The following TIAM2 variants were observed in gnomAD, a reference collection of about 807,000 sequenced individuals.
TIAM2 encodes TIAM Rac1 associated GEF 2.
In TIAM2, 80 loss-of-function variants were observed where a neutral mutation model predicts 152.9. The observed-to-expected ratio is 0.52, with a 90% CI of 0.44 to 0.63. The LOEUF (loss-of-function observed/expected upper bound fraction) is 0.63. Among genes scored for constraint, TIAM2 ranks in the 30% least tolerant of loss-of-function variants. The probability of loss-of-function intolerance (pLI) is 0.00; values close to 1 mark genes in which losing one functional copy is unlikely to be tolerated. For synonymous variants in TIAM2, 804 were observed against 838.0 expected, an observed-to-expected ratio of 0.96 and a Z score of 0.70; for missense variants, 1,965 against 2,120.1, an observed-to-expected ratio of 0.93 and a Z score of 1.44.
At chr6:155,244,893 A>G (rs550500469) in intron 18 of TIAM2, 110 bp downstream of exon 18, 3 of 1,310,370 alleles carry the variant, frequency 2.3e-6, no homozygotes, top group South Asian at 1.6e-5. Context: ...ACTATTGACT[A>G]TTTATTGTCC....
At chr6:155,098,300 G>A (rs1778465365) in intron 2 of TIAM2, among the ~76,000 whole-genome samples, 1 of 152,012 alleles carries the variant, frequency 6.6e-6, no homozygotes, top group South Asian at 2.1e-4. Context: ...ATTCTTCCAA[G>A]CCGTGAGCAT....
intron 14 of TIAM2, among the ~76,000 whole-genome samples, chr6:155,209,829 T>C (rs2115209960): frequency 6.6e-6 from 1 of 152,332 alleles, no homozygotes; most frequent in African/African-American, 2.4e-5. Context: ...TGGTTGGTAA[T>C]ATCAGCATGA....
chr6:155,006,387 G>A (rs542168945), intron 1 of TIAM2, among the ~76,000 whole-genome samples: 15 of 151,704 alleles, frequency 9.9e-5, no homozygotes, highest in African/African-American at 3.6e-4. Context: ...TCGGAGTCTC[G>A]ATCGGGCATG....
intron 21 of TIAM2, 148 bp downstream of exon 21, chr6:155,250,117 C>A: frequency 1.7e-6 from 1 of 593,858 alleles, no homozygotes; most frequent in Non-Finnish European, 3.0e-6. Flanking sequence ...ATGAACTACA[C>A]AATTTACATA....
chr6:155,022,217 C>T (rs573979166), intron 1 of TIAM2: 3 of 152,220 alleles, frequency 2.0e-5, no homozygotes, highest in Admixed American at 6.5e-5. Flanking sequence ...GGTACAGAGA[C>T]GCCGAGCTCT....
chr6:155,021,406 C>T (rs935341657), intron 1 of TIAM2, among the ~76,000 whole-genome samples: 4 of 152,024 alleles, frequency 2.6e-5, no homozygotes, highest in Admixed American at 6.6e-5. Context: ...GGATTGCAGA[C>T]GCCTGCCACC....
Position 155,165,405 on chromosome 6 carries a change from C to G in TIAM2, c.2357C>G (p.Thr786Ser). 1 of 1,608,724 alleles carries G rather than the reference C, an allele frequency of 6.2e-7. No homozygotes were observed. The highest frequency in any genetic ancestry group is 8.5e-7 in the Non-Finnish European group (1 of 1,178,512). Residue 786 changes from threonine (T) to serine (S), a missense_variant, in exon 9 of 27, where the codon ACT becomes AGT. Thr to Ser is a moderately conservative substitution (Grantham distance 58, BLOSUM62 1). Transcript: ENST00000682666. ...RKGKEKRPSI[T>S]QVDELLHIYG... is the part of the protein sequence containing the mutation. ...GGCAAGGAGAAGAGACCTTCTATAACTCAGGTGAGCTTTTCAGCATGGGAA... is the reference window on the plus strand; with the variant it reads ...GGCAAGGAGAAGAGACCTTCTATAAGTCAGGTGAGCTTTTCAGCATGGGAA...
intron 2 of TIAM2, among the ~76,000 whole-genome samples, chr6:155,109,946 CT>C (rs72211101): frequency 0.11 from 14,680 of 138,340 alleles, 1,651 homozygotes; most frequent in African/African-American, 0.29. Flanking sequence ...AATGCACAGA[CT>C]TTTTTTTTTT....
intron 15 of TIAM2, among the ~76,000 whole-genome samples, chr6:155,233,395 A>G (rs950940977): frequency 9.9e-5 from 15 of 152,150 alleles, no homozygotes; most frequent in African/African-American, 3.6e-4. Flanking sequence ...CATCTGAGTG[A>G]CTCAGAGCTT....
intron 9 of TIAM2, among the ~76,000 whole-genome samples, chr6:155,175,569 T>C (rs34480201): frequency 0.25 from 37,606 of 152,192 alleles, 5,834 homozygotes; most frequent in Admixed American, 0.36. Flanking sequence ...ATATTAATAA[T>C]ATCCTCTTTT....
chr6:155,079,695 C>T (rs1375101047), intron 1 of TIAM2, among the ~76,000 whole-genome samples: 1 of 152,178 alleles, frequency 6.6e-6, no homozygotes, highest in East Asian at 1.9e-4. Flanking sequence ...GCCTGTAATC[C>T]CAGCACTTTG....
In TIAM2 at chr6:155,190,598, C is replaced by A. The variant is rs1052963196; in HGVS notation, c.3064+7098C>A. On this transcript the variant is annotated intron_variant, in intron 14 of 26. Coordinates refer to ENST00000682666, the MANE Select transcript of TIAM2 (RefSeq NM_012454.4). Reference sequence around the variant, plus strand: ...CATTTTGAGTAAAAATCAGTCTTGGCTTTTCTCTCCGAACATTAACTATAA... The same window carrying A: ...CATTTTGAGTAAAAATCAGTCTTGGATTTTCTCTCCGAACATTAACTATAA... 3.3e-5 allele frequency among the ~76,000 whole-genome samples: 5 copies of A among 152,238 alleles called. No individual in the cohort carries two copies. In the South Asian group the frequency reaches 1.0e-3, roughly 31 times the overall value.
chr6:155,240,931 G>C (rs1298962739), intron 16 of TIAM2, among the ~76,000 whole-genome samples: 1 of 152,194 alleles, frequency 6.6e-6, no homozygotes, highest in African/African-American at 2.4e-5. Context: ...GGCTTATTTT[G>C]TTACCAAGGT....
At chr6:155,180,281 C>T (rs1241036861) in intron 12 of TIAM2, among the ~76,000 whole-genome samples, 1 of 152,058 alleles carries the variant, frequency 6.6e-6, no homozygotes, top group Non-Finnish European at 1.5e-5. Context: ...AGCGAAACTC[C>T]GTCTCAAAAC....
At chr6:155,182,448 G>T (rs3792965) in intron 13 of TIAM2, 130 bp downstream of exon 13, 83 of 794,112 alleles carry the variant, frequency 1.0e-4, no homozygotes, top group Non-Finnish European at 4.8e-5. Flanking sequence ...GAAAGTAAAC[G>T]TAAGAGTTTA....
At chr6:155,254,302 TG>T in intron 25 of TIAM2, 116 bp from the exon 26 acceptor site, 1 of 1,373,358 alleles carries the variant, frequency 7.3e-7, no homozygotes, top group African/African-American at 1.4e-5. Flanking sequence ...TGCTGCTGGG[TG>T]GCTGGCTGGC....
At chr6:155,128,651 G>A (rs1223966385) in intron 3 of TIAM2, among the ~76,000 whole-genome samples, 1 of 151,408 alleles carries the variant, frequency 6.6e-6, no homozygotes, top group Non-Finnish European at 1.5e-5. Flanking sequence ...CTTGAGCCCA[G>A]GAGTTCAAGA....
chr6:155,127,612 C>T lies in TIAM2; in HGVS notation c.-7+12C>T. On this transcript the variant is annotated intron_variant, in intron 3 of 26. Transcript: ENST00000682666. ...AAACTAGACGTCAGGTAAACCCAAC[C>T]CTTGTGCCTGGGGGTCACGTCAAGT... 1 of 455,996 alleles carries T rather than the reference C, an allele frequency of 2.2e-6. No individual in the cohort carries two copies. Among genetic ancestry groups the T allele is most frequent in the Non-Finnish European group, 4.4e-6 (1 of 226,796 alleles). 28.2% of individuals were successfully genotyped at this position (455,996 alleles called of 1,614,324 possible).
intron 22 of TIAM2, 37 bp downstream of exon 22, chr6:155,251,058 A>C: frequency 6.3e-7 from 1 of 1,583,810 alleles, no homozygotes; most frequent in South Asian, 1.1e-5. Flanking sequence ...GACTGAACAG[A>C]GGCTGGGATT....
Sources: allele counts gnomAD v4.1 joint callset (sites outside exome capture counted in the v4.1 genomes callset), GRCh38; gene constraint gnomAD v4.1.1; transcripts MANE v1.5; gene names NCBI Gene and HGNC (gene_info 2026-07-23, HGNC 2026-07-21).